NAA30: variants seen among roughly 807,000 people sequenced by gnomAD.
NAA30 encodes N-alpha-acetyltransferase 30.
In NAA30, 5 loss-of-function variants were observed where a neutral mutation model predicts 31.4. The ratio of observed to expected loss-of-function variants is 0.16; its 90% confidence interval spans 0.08 to 0.33. The LOEUF is 0.33. NAA30 is among the 10% of genes least tolerant of loss of function. NAA30 has a pLI of 1.00. For missense variants in NAA30, 428 were observed against 490.8 expected (o/e 0.87, Z 1.21); for synonymous variants, 222 against 207.1 (o/e 1.07, Z -0.62).
At chr14:57,401,021 C>G (rs568529032) in intron 4 of NAA30, among the ~76,000 whole-genome samples, 1 of 152,056 alleles carries the variant, frequency 6.6e-6, no homozygotes, top group Non-Finnish European at 1.5e-5. Context: ...CAGGCATGAG[C>G]CGTTGCTCCT....
chr14:57,405,693 C>A (rs989290148), intron 4 of NAA30, among the ~76,000 whole-genome samples: 3 of 152,120 alleles, frequency 2.0e-5, no homozygotes, highest in African/African-American at 7.2e-5. Flanking sequence ...CTTAAAGATA[C>A]GTTGTGAAGA....
chr14:57,398,660 TCTCA>T lies in NAA30; in HGVS notation c.896-1164_896-1161del, dbSNP rs1460330129. On this transcript the variant is annotated intron_variant, in intron 3 of 4. Coordinates refer to ENST00000556492, the MANE Select transcript of NAA30 (RefSeq NM_001011713.3). ...TTATTATTATTTTTTTTTGAGATAG[TCTCA>T]CTCTGTCGCCCAGGTTGGAGCGCAG... Among the ~76,000 whole-genome samples the T allele has an allele frequency of 2.0e-5, 3 of 151,590 alleles. No individual in the cohort carries two copies. The East Asian group carries it at 5.8e-4, about 29-fold the overall frequency.
intron 4 of NAA30, among the ~76,000 whole-genome samples, chr14:57,405,191 A>G (rs970764069): frequency 1.6e-4 from 24 of 152,078 alleles, no homozygotes; most frequent in African/African-American, 4.8e-4. Context: ...ATTTTGTACA[A>G]TTAAAAGAAT....
intron 2 of NAA30, among the ~76,000 whole-genome samples, chr14:57,395,827 A>C (rs2066448039): frequency 6.6e-6 from 1 of 152,142 alleles, no homozygotes; most frequent in Non-Finnish European, 1.5e-5. Flanking sequence ...TATTAACAAA[A>C]ACCTCTTGGG....
In NAA30 at chr14:57,414,715, C is replaced by T. The variant is rs955423829; in HGVS notation, c.*5199C>T. The T allele has an allele frequency of 6.6e-6, 1 of 152,158 alleles. No individual in the cohort carries two copies. Among genetic ancestry groups the T allele is most frequent in the Non-Finnish European group, 1.5e-5 (1 of 68,032 alleles). 9.4% of individuals were successfully genotyped at this position (152,158 alleles called of 1,614,324 possible). ...ACCGCAGTGTATTACCTTTGACCCTCGCTGGTCATCTGGTAAGTGTAGTTC... is the reference window on the plus strand; with the variant it reads ...ACCGCAGTGTATTACCTTTGACCCTTGCTGGTCATCTGGTAAGTGTAGTTC... On this transcript the variant is annotated 3_prime_UTR_variant, in exon 5 of 5. Coordinates refer to ENST00000556492, the MANE Select transcript of NAA30 (RefSeq NM_001011713.3).
In NAA30 at chr14:57,391,494, G is replaced by GGAA; in HGVS notation, c.540_542dup (p.Glu180dup). 8.7e-6 allele frequency: 14 copies of GGAA among 1,613,258 alleles called. No individual in the cohort carries two copies. The highest frequency in any genetic ancestry group is 1.2e-5 in the Non-Finnish European group (14 of 1,179,780). On this transcript the variant is annotated inframe_insertion, in exon 2 of 5. Coordinates refer to ENST00000556492, the MANE Select transcript of NAA30 (RefSeq NM_001011713.3). The surrounding 1 kb of genome is among the most constrained non-coding windows in gnomAD (Gnocchi z 4.1). ...AGGGCACCGAGCAGGAGGAGGAGGA[G>GGAA]GAAGACGAGCAGGTGCGGCTGCTGT... is the stretch of plus-strand genomic sequence containing the variant.
At chr14:57,404,675 G>A (rs2066490998) in intron 4 of NAA30, among the ~76,000 whole-genome samples, 1 of 152,158 alleles carries the variant, frequency 6.6e-6, no homozygotes, top group South Asian at 2.1e-4. Flanking sequence ...GTTCCACATG[G>A]CTGGGGAAGC....
chr14:57,391,251 C>T lies in NAA30; in HGVS notation c.294C>T (p.Ala98=), dbSNP rs759334774. ...ISPELRHLRA[A]ASLKSKVLSV... ...CCGAACTGCGGCACCTCCGGGCGGC[C>T]GCCTCCCTCAAGAGCAAGGTCCTGA... The change falls in exon 2 of 5, where the codon GCC becomes GCT. Residue 98 remains alanine, a synonymous_variant. Transcript: ENST00000556492. The surrounding 1 kb of genome is among the most constrained non-coding windows in gnomAD (Gnocchi z 4.1). The T allele has an allele frequency of 3.1e-6, 5 of 1,612,132 alleles. No individual in the cohort carries two copies. The highest frequency in any genetic ancestry group is 3.4e-6 in the Non-Finnish European group (4 of 1,179,770).
At chr14:57,394,718 G>C (rs1189714043) in intron 2 of NAA30, among the ~76,000 whole-genome samples, 1 of 152,122 alleles carries the variant, frequency 6.6e-6, no homozygotes, top group Non-Finnish European at 1.5e-5. Context: ...TATTTTGTTT[G>C]CTTATTCCAT....
chr14:57,408,611 T>C (rs1332677490), intron 4 of NAA30, among the ~76,000 whole-genome samples: 1 of 152,210 alleles, frequency 6.6e-6, no homozygotes, highest in Non-Finnish European at 1.5e-5. Flanking sequence ...TCATAAACTC[T>C]GAGGGTGGGG....
In NAA30 at chr14:57,410,481, G is replaced by C. The variant is rs754182930; in HGVS notation, c.*965G>C. On this transcript the variant is annotated 3_prime_UTR_variant, in exon 5 of 5. Transcript: ENST00000556492. Reference sequence around the variant, plus strand: ...TTAATCAAAATTACTGCTACGCTGCGAAGAACAGCTTTTACAAAGTAGCTG... The same window carrying C: ...TTAATCAAAATTACTGCTACGCTGCCAAGAACAGCTTTTACAAAGTAGCTG... The C allele has an allele frequency of 1.3e-5, 2 of 152,548 alleles. No homozygotes were observed. The highest frequency in any genetic ancestry group is 2.9e-5 in the Non-Finnish European group (2 of 68,000). 9.4% of individuals were successfully genotyped at this position (152,548 alleles called of 1,614,324 possible). A position where few individuals can be genotyped will look rare whatever the true frequency, so the allele number is the denominator to read the frequency against.
intron 2 of NAA30, among the ~76,000 whole-genome samples, chr14:57,393,190 T>C (rs1336932166): frequency 6.6e-6 from 1 of 152,212 alleles, no homozygotes; most frequent in East Asian, 1.9e-4. Context: ...GTTGTGTATA[T>C]GATATTTAGT....
Position 57,391,513 on chromosome 14 carries a change from C to T in NAA30, c.556C>T (p.Leu186=). The T allele has an allele frequency of 6.2e-7, 1 of 1,613,364 alleles. No individual in the cohort carries two copies. The highest frequency in any genetic ancestry group is 8.5e-7 in the Non-Finnish European group (1 of 1,179,848). The change falls in exon 2 of 5, where the codon CTG becomes TTG. Residue 186 remains leucine (L), a synonymous_variant. Transcript: ENST00000556492. The surrounding 1 kb of genome is among the most constrained non-coding windows in gnomAD (Gnocchi z 4.1). ...EEEEEDEQVR[L]LSSSLTADCS... Reference sequence around the variant, plus strand: ...GGAGGAGGAAGACGAGCAGGTGCGGCTGCTGTCTTCGTCCCTGACCGCCGA... The same window carrying T: ...GGAGGAGGAAGACGAGCAGGTGCGGTTGCTGTCTTCGTCCCTGACCGCCGA...
At chr14:57,392,663 T>C (rs2066434980) in intron 2 of NAA30, among the ~76,000 whole-genome samples, 1 of 152,236 alleles carries the variant, frequency 6.6e-6, no homozygotes, top group African/African-American at 2.4e-5. Flanking sequence ...CACAAGCATA[T>C]TGTTTCTGTT....
At chr14:57,407,743 C>T (rs1156638931) in intron 4 of NAA30, among the ~76,000 whole-genome samples, 9 of 152,046 alleles carry the variant, frequency 5.9e-5, no homozygotes, top group African/African-American at 1.7e-4. Flanking sequence ...AATCAGTAAA[C>T]GGTTTTAAGT....
intron 4 of NAA30, among the ~76,000 whole-genome samples, chr14:57,407,593 A>G (rs896401890): frequency 6.6e-6 from 1 of 152,238 alleles, no homozygotes; most frequent in South Asian, 2.1e-4. Context: ...GGTGGGTTCC[A>G]GAAACTGAAA....
Position 57,391,142 on chromosome 14 carries a change from C to T in NAA30, c.185C>T (p.Ala62Val). 6.3e-7 allele frequency: 1 copy of T among 1,585,664 alleles called. No homozygotes were observed. The highest frequency in any genetic ancestry group is 8.5e-7 in the Non-Finnish European group (1 of 1,169,654). ...AGGAGCCCGGCGGGCGGAGAGTCGG[C>T]GACGGTGGCGGCCAAGGGGCATCCG... ...GSRSPAGGES[A>V]TVAAKGHPCL... The change falls in exon 2 of 5, where the codon GCG (alanine) becomes GTG (valine). Residue 62 changes from alanine (A) to valine (V), a missense_variant. Transcript: ENST00000556492. This position sits in a 1 kb window ranked among gnomAD's most constrained non-coding sequence, Gnocchi z 4.1.
rs1325682192 is a variant in NAA30 at position 57,401,020 on chromosome 14, GCCGTTGCT to G, written c.951+1140_951+1147del. 7.9e-5 allele frequency among the ~76,000 whole-genome samples: 12 copies of G among 152,126 alleles called. No individual in the cohort carries two copies. The East Asian group carries it at 2.3e-3, about 29-fold the overall frequency. On this transcript the variant is annotated intron_variant, in intron 4 of 4. Coordinates refer to ENST00000556492, the MANE Select transcript of NAA30 (RefSeq NM_001011713.3). ...TCAAGTGTTGTGATTACAGGCATGA[GCCGTTGCT>G]CCTGGCCTGTTGCTACTGTTAACTG...
chr14:57,398,488 C>T (rs796224769), intron 3 of NAA30, among the ~76,000 whole-genome samples: 112 of 152,140 alleles, frequency 7.4e-4, no homozygotes, highest in African/African-American at 2.1e-3. Flanking sequence ...GACAGAGCTT[C>T]GCTGTATTGC....
Sources: allele counts gnomAD v4.1 joint callset (sites outside exome capture counted in the v4.1 genomes callset), GRCh38; gene constraint gnomAD v4.1.1; non-coding constraint Gnocchi (gnomAD v3.1); transcripts MANE v1.5; gene names NCBI Gene and HGNC (gene_info 2026-07-23, HGNC 2026-07-21).